Variants in NCAM2 observed in about 807,000 individuals in gnomAD.
NCAM2 encodes N-CAM-2.
In NCAM2, 30 loss-of-function variants were observed where a neutral mutation model predicts 98.1. The ratio of observed to expected loss-of-function variants is 0.31; its 90% CI spans 0.23 to 0.41. The LOEUF is 0.41. Among genes scored for constraint, NCAM2 ranks in the 10% least tolerant of loss-of-function variants. The pLI is 1.00. For missense variants in NCAM2, 867 were observed against 1,005.8 expected (o/e 0.86, Z 1.87); for synonymous variants, 368 against 342.4 (o/e 1.07, Z -0.83).
intron 5 of NCAM2, among the ~76,000 whole-genome samples, chr21:21,314,236 C>A (rs911601386): frequency 6.6e-6 from 1 of 151,968 alleles, no homozygotes; most frequent in Non-Finnish European, 1.5e-5. Flanking sequence ...AATAGTTTTC[C>A]TTTACCTTCA....
intron 5 of NCAM2, among the ~76,000 whole-genome samples, chr21:21,310,161 T>G (rs2074000379): frequency 6.6e-6 from 1 of 152,202 alleles, no homozygotes; most frequent in Non-Finnish European, 1.5e-5. Flanking sequence ...GAATTTCACT[T>G]TCTTCCTACT....
At chr21:21,056,490 C>CTGTGTGTGTGTGTGTG (rs10685980) in intron 1 of NCAM2, among the ~76,000 whole-genome samples, 2 of 138,352 alleles carry the variant, frequency 1.4e-5, no homozygotes, top group Non-Finnish European at 3.1e-5. Flanking sequence ...AGAGATATGT[C>CTGTGTGTGTGTGTGTG]TGTGTGTGTG....
intron 16 of NCAM2, among the ~76,000 whole-genome samples, chr21:21,520,518 T>C (rs955559503): frequency 2.0e-5 from 3 of 152,070 alleles, no homozygotes; most frequent in Non-Finnish European, 1.5e-5. Flanking sequence ...GAAATATGTA[T>C]GAAATATCAA....
At chr21:21,364,484 A>T (rs911704169) in intron 8 of NCAM2, among the ~76,000 whole-genome samples, 9 of 152,036 alleles carry the variant, frequency 5.9e-5, no homozygotes, top group Non-Finnish European at 1.2e-4. Flanking sequence ...TACAACAGTA[A>T]TTATACATAT....
chr21:21,305,792 G>T (rs919034246), intron 5 of NCAM2, among the ~76,000 whole-genome samples: 1 of 151,850 alleles, frequency 6.6e-6, no homozygotes, highest in African/African-American at 2.4e-5. Context: ...CTTATTTGGA[G>T]GTATATTGAT....
intron 13 of NCAM2, among the ~76,000 whole-genome samples, chr21:21,468,071 G>A (rs1983958087): frequency 1.3e-5 from 2 of 151,874 alleles, no homozygotes; most frequent in African/African-American, 2.4e-5. Context: ...CTATCTCTAT[G>A]TTGAAGTATA....
chr21:21,195,518 C>A (rs1450097072), intron 1 of NCAM2, among the ~76,000 whole-genome samples: 1 of 152,144 alleles, frequency 6.6e-6, no homozygotes, highest in South Asian at 2.1e-4. Context: ...ACATGAGATT[C>A]TGTCTGTAGG....
intron 6 of NCAM2, among the ~76,000 whole-genome samples, chr21:21,332,862 A>G (rs1040217755): frequency 6.6e-6 from 1 of 152,188 alleles, no homozygotes; most frequent in Non-Finnish European, 1.5e-5. Flanking sequence ...TGTGAAAACT[A>G]TTGTTTTATA....
intron 15 of NCAM2, among the ~76,000 whole-genome samples, chr21:21,478,695 G>T (rs1414620401): frequency 6.6e-6 from 1 of 151,960 alleles, no homozygotes; most frequent in Non-Finnish European, 1.5e-5. Context: ...AAATAACACT[G>T]GTATGTTACA....
At chr21:21,158,045 T>G (rs554987066) in intron 1 of NCAM2, among the ~76,000 whole-genome samples, 11 of 152,232 alleles carry the variant, frequency 7.2e-5, no homozygotes, top group African/African-American at 2.2e-4. Flanking sequence ...CTTCGGAAAT[T>G]TAAATGTTTC....
At chr21:21,379,645 AG>A (rs1467759369) in intron 9 of NCAM2, among the ~76,000 whole-genome samples, 4 of 152,070 alleles carry the variant, frequency 2.6e-5, no homozygotes, top group Non-Finnish European at 4.4e-5. Context: ...ATATGTATAA[AG>A]ATTTTATTTA....
chr21:21,458,696 A>G lies in NCAM2; in HGVS notation c.1655-7910A>G, dbSNP rs114731105. On this transcript the variant is annotated intron_variant, in intron 12 of 17. Transcript: ENST00000400546. ...TGCGACAAATAAAATTGTGTTGTTT[A>G]TAAGCCTCCTAGTTTATGGTAATCT... Among the ~76,000 whole-genome samples, 954 of 152,330 alleles carry G rather than the reference A, an allele frequency of 6.3e-3. 13 individuals are homozygous for G. The highest frequency in any genetic ancestry group is 0.022 in the African/African-American group (895 of 41,584).
chr21:21,164,097 C>G (rs1569096331), intron 1 of NCAM2, among the ~76,000 whole-genome samples: 1 of 152,202 alleles, frequency 6.6e-6, no homozygotes. Context: ...ACAGCTGCCA[C>G]CAGGTGGCAC....
rs550845704 is a variant in NCAM2, at chr21:21,071,135, G to A, written c.55+72517G>A. On this transcript the variant is annotated intron_variant, in intron 1 of 17. Coordinates refer to ENST00000400546, the MANE Select transcript of NCAM2 (RefSeq NM_004540.5). ...GAGATAAAGGTTTCAGTGTTTTCAC[G>A]AAAAACTGATATACTAATTCCTATG... Among the ~76,000 whole-genome samples the A allele has an allele frequency of 2.6e-4, 39 of 152,202 alleles. No homozygotes were observed. The Middle Eastern group carries it at 0.01, about 40-fold the overall frequency.
chr21:21,079,515 A>G (rs1462854572), intron 1 of NCAM2, among the ~76,000 whole-genome samples: 1 of 152,178 alleles, frequency 6.6e-6, no homozygotes, highest in African/African-American at 2.4e-5. Flanking sequence ...GTATTACAGT[A>G]ATTGGTAAGG....
intron 12 of NCAM2, among the ~76,000 whole-genome samples, chr21:21,452,589 A>AT (rs1474517822): frequency 8.5e-6 from 1 of 117,750 alleles, no homozygotes. Context: ...TATATATTGT[A>AT]TTGTGCATAT....
chr21:21,358,135 T>G (rs1175153425), intron 8 of NCAM2, among the ~76,000 whole-genome samples: 1 of 152,138 alleles, frequency 6.6e-6, no homozygotes, highest in Non-Finnish European at 1.5e-5. Flanking sequence ...AGAAAATATT[T>G]TCATTCGATG....
chr21:21,537,885 A>G lies in NCAM2; in HGVS notation c.2442A>G (p.Leu814=). 6.3e-7 allele frequency: 1 copy of G among 1,579,270 alleles called. No homozygotes were observed. Among genetic ancestry groups the G allele is most frequent in the Non-Finnish European group, 8.6e-7 (1 of 1,163,420 alleles). The change falls in exon 18 of 18, where the codon CTA becomes CTG. Residue 814 remains leucine, a synonymous_variant. Transcript: ENST00000400546. ...AGGAAGAAGATGGGAAAGAAGCTCT[A>G]AATCCAGAAACTATAGAAATTAAAG... ...PLKEEDGKEA[L]NPETIEIKVS...
intron 1 of NCAM2, among the ~76,000 whole-genome samples, chr21:21,058,446 A>G (rs2065256406): frequency 6.6e-6 from 1 of 152,166 alleles, no homozygotes; most frequent in South Asian, 2.1e-4. Context: ...AATATGCATT[A>G]AATATGTGTT....
Sources: gnomAD v4.1 joint callset for allele counts (sites outside exome capture counted in the v4.1 genomes callset) on GRCh38, gnomAD v4.1.1 for gene constraint, MANE v1.5 for transcripts, NCBI Gene and HGNC (gene_info 2026-07-23, HGNC 2026-07-21) for gene names.